ADCY5: variants seen among roughly 807,000 people sequenced by gnomAD.
The protein encoded by ADCY5 is adenylate cyclase 5.
Under a neutral mutation model 119.7 loss-of-function variants are expected in ADCY5, and 30 were observed. That is an observed-to-expected ratio of 0.25 (90% CI 0.19 to 0.34). The LOEUF (loss-of-function observed/expected upper bound fraction) is 0.34, where lower values mean the gene tolerates loss of function less well. Ranked by LOEUF, ADCY5 falls within the 10% of genes least tolerant of loss-of-function variation. The pLI is 1.00. For missense variants in ADCY5, 1,324 were observed against 1,775.2 expected, an observed-to-expected ratio of 0.75 and a Z score of 4.57; for synonymous variants, 753 against 762.2, an observed-to-expected ratio of 0.99 and a Z score of 0.20.
At chr3:123,401,100 T>G (rs1944738762) in intron 1 of ADCY5, among the ~76,000 whole-genome samples, 1 of 152,238 alleles carries the variant, frequency 6.6e-6, no homozygotes, top group Non-Finnish European at 1.5e-5. Flanking sequence ...ATTGTAACGC[T>G]AATAGTGGCT....
intron 1 of ADCY5, among the ~76,000 whole-genome samples, chr3:123,417,447 C>G (rs539960709): frequency 5.1e-4 from 77 of 152,378 alleles, no homozygotes; most frequent in African/African-American, 1.8e-3. Context: ...GAGAACATTA[C>G]CTTAAGCCCT....
At chr3:123,348,355 T>C (rs1016451042) in intron 2 of ADCY5, among the ~76,000 whole-genome samples, 15 of 152,146 alleles carry the variant, frequency 9.9e-5, no homozygotes, top group East Asian at 5.8e-4. Flanking sequence ...CAAATACTTA[T>C]TGAGCACCTA....
intron 7 of ADCY5, among the ~76,000 whole-genome samples, 160 bp from the exon 8 acceptor site, chr3:123,325,622 C>A (rs1307525737): frequency 2.6e-5 from 4 of 152,202 alleles, no homozygotes; most frequent in Non-Finnish European, 5.9e-5. Flanking sequence ...TCCTGGAACT[C>A]CCCAGGCAAG....
intron 19 of ADCY5, among the ~76,000 whole-genome samples, chr3:123,287,439 A>T (rs79818258): frequency 0.012 from 1,754 of 152,118 alleles, 35 homozygotes; most frequent in African/African-American, 0.04. Flanking sequence ...TCCTGCCCCC[A>T]TGTATCTGGC....
chr3:123,391,951 C>T lies in ADCY5; in HGVS notation c.1135-39370G>A, dbSNP rs375274104. On this transcript the variant is annotated intron_variant, in intron 1 of 20. Transcript: ENST00000462833. ...CTCCGTCCCAGGGGTACCCACAGTC[C>T]CACCAGAGTGTCCTGGGGCCCTCAA... 9.8e-5 allele frequency among the ~76,000 whole-genome samples: 15 copies of T among 152,326 alleles called. No homozygotes were observed. The East Asian group carries it at 2.1e-3, about 22-fold the overall frequency.
intron 16 of ADCY5, chr3:123,297,070 A>G: frequency 6.5e-7 from 1 of 1,534,726 alleles, no homozygotes; most frequent in Non-Finnish European, 8.7e-7. Context: ...GAAGAGCTTG[A>G]GGTTAAATGC....
chr3:123,409,127 C>G (rs759603263), intron 1 of ADCY5, among the ~76,000 whole-genome samples: 1 of 152,164 alleles, frequency 6.6e-6, no homozygotes, highest in Non-Finnish European at 1.5e-5. Context: ...TACAGGCAGC[C>G]AGGCTCTTGA....
intron 1 of ADCY5, among the ~76,000 whole-genome samples, chr3:123,363,544 C>A: frequency 6.6e-6 from 1 of 152,140 alleles, no homozygotes; most frequent in East Asian, 1.9e-4. Flanking sequence ...GGCTTTATGT[C>A]CGAGGATGAT....
chr3:123,353,372 G>A (rs1430822311), intron 1 of ADCY5, among the ~76,000 whole-genome samples: 1 of 152,218 alleles, frequency 6.6e-6, no homozygotes, highest in African/African-American at 2.4e-5. Flanking sequence ...AGGTTATACG[G>A]TACATTCAGA....
chr3:123,307,732 C>T (rs1315635075), intron 12 of ADCY5, among the ~76,000 whole-genome samples: 1 of 152,114 alleles, frequency 6.6e-6, no homozygotes, highest in Non-Finnish European at 1.5e-5. Context: ...TGAGAGGCTT[C>T]TTTCATCATT....
chr3:123,319,520 G>A (rs1181220169), intron 10 of ADCY5, among the ~76,000 whole-genome samples, 154 bp downstream of exon 10: 3 of 152,098 alleles, frequency 2.0e-5, no homozygotes, highest in African/African-American at 4.8e-5. Context: ...CCTAGAACTC[G>A]CATCTCTCTA....
chr3:123,284,433 G>T lies in ADCY5; in HGVS notation c.*175C>A. Reference sequence around the variant, plus strand: ...AGGACGCTGGCACCCCGGGGCCTGGGACAGAGGCCGCTGCCCACCAGCAAA... The same window carrying T: ...AGGACGCTGGCACCCCGGGGCCTGGTACAGAGGCCGCTGCCCACCAGCAAA... On this transcript the variant is annotated 3_prime_UTR_variant, in exon 21 of 21. Coordinates refer to ENST00000462833, the MANE Select transcript of ADCY5 (RefSeq NM_183357.3). The T allele has an allele frequency of 9.6e-7, 1 of 1,038,230 alleles. No individual in the cohort carries two copies. Among genetic ancestry groups the T allele is most frequent in the Non-Finnish European group, 1.4e-6 (1 of 734,884 alleles). The allele number at this position is 1,038,230 out of a possible 1,614,324, so 64.3% of individuals were successfully genotyped here. A position where few individuals can be genotyped will look rare whatever the true frequency, so the allele number is the denominator to read the frequency against.
Position 123,291,167 on chromosome 3 carries a change from G to A in ADCY5, c.3273C>T (p.Asn1091=), listed in dbSNP as rs139954925. The change falls in exon 18 of 21, where the codon AAC becomes AAT. Residue 1091 remains asparagine (N), a synonymous_variant. Transcript: ENST00000462833. The part of the protein sequence containing the change: ...SEFYVELEAN[N]EGVECLRLLN... The stretch of plus-strand genomic sequence containing the variant: ...GTAGCCGCAGGCACTCGACACCCTC[G>A]TTGTTGGCCTCCAGCTCAACGTAGA... The A allele has an allele frequency of 1.4e-4, 219 of 1,614,044 alleles. No individual in the cohort carries two copies. Among genetic ancestry groups the A allele is most frequent in the African/African-American group, 1.9e-4 (14 of 75,046 alleles).
chr3:123,410,086 C>A (rs754541135), intron 1 of ADCY5, among the ~76,000 whole-genome samples: 19 of 152,332 alleles, frequency 1.2e-4, no homozygotes, highest in Middle Eastern at 6.8e-3. Flanking sequence ...TCTGCTCTCC[C>A]ACATGAGCAG....
In ADCY5 at chr3:123,360,061, GT is replaced by G. The variant is rs71625736; in HGVS notation, c.1135-7481del. Among the ~76,000 whole-genome samples the G allele has an allele frequency of 1.6e-3, 237 of 146,982 alleles. 6 individuals are homozygous for G. The East Asian group carries it at 0.028, about 17-fold the overall frequency. The stretch of plus-strand genomic sequence containing the variant: ...CACCATGCTCAATTAGGTGCTTAAT[GT>G]TTTTTTTTTTTAACTATTACATATT... On this transcript the variant is annotated intron_variant, in intron 1 of 20. Transcript: ENST00000462833.
At chr3:123,383,744 T>C (rs1944113997) in intron 1 of ADCY5, among the ~76,000 whole-genome samples, 1 of 151,954 alleles carries the variant, frequency 6.6e-6, no homozygotes, top group Admixed American at 6.5e-5. Context: ...AAGGAAAATG[T>C]ACACAAGCCC....
At chr3:123,295,794 G>A (rs938189476) in intron 17 of ADCY5, among the ~76,000 whole-genome samples, 2 of 152,192 alleles carry the variant, frequency 1.3e-5, no homozygotes, top group Admixed American at 6.5e-5. Context: ...TGCCCAGCCA[G>A]TATTTGCTGA....
chr3:123,339,976 A>C (rs569827736), intron 3 of ADCY5, among the ~76,000 whole-genome samples: 73 of 152,294 alleles, frequency 4.8e-4, no homozygotes, highest in African/African-American at 1.6e-3. Flanking sequence ...CAAAGAACAT[A>C]TATTCTTCAC....
Position 123,346,393 on chromosome 3 carries a change from G to A in ADCY5, c.1406+1389C>T, listed in dbSNP as rs577430266. ...CTGTCCCTACCTGACAGAGAAGCAT[G>A]GGGGGTTGGGAGACCCCCAAAACTG... On this transcript the variant is annotated intron_variant, in intron 3 of 20. Transcript: ENST00000462833. Among the ~76,000 whole-genome samples, 4 of 152,336 alleles carry A rather than the reference G, an allele frequency of 2.6e-5. No homozygotes were observed. The South Asian group carries it at 6.2e-4, about 24-fold the overall frequency.
Sources: gnomAD v4.1 joint callset for allele counts (sites outside exome capture counted in the v4.1 genomes callset) on GRCh38, gnomAD v4.1.1 for gene constraint, MANE v1.5 for transcripts, NCBI Gene and HGNC (gene_info 2026-07-23, HGNC 2026-07-21) for gene names.